The following THRB variants were observed in gnomAD, a reference collection of about 807,000 sequenced individuals.
THRB encodes nuclear receptor subfamily 1 group A member 2.
A neutral mutation model predicts 47.8 loss-of-function variants in THRB; 12 were observed. That is an observed-to-expected ratio of 0.25 (90% CI 0.16 to 0.41). The LOEUF (loss-of-function observed/expected upper bound fraction) is 0.41, where lower values mean the gene tolerates loss of function less well. THRB is among the 10% of genes least tolerant of loss of function. The probability of loss-of-function intolerance (pLI) is 1.00; values close to 1 mark genes in which losing one functional copy is unlikely to be tolerated. For missense variants in THRB, 348 were observed against 589.2 expected (o/e 0.59, Z 4.24); for synonymous variants, 218 against 212.2 (o/e 1.03, Z -0.24).
At chr3:24,218,193 A>G (rs1456079511) in intron 4 of THRB, among the ~76,000 whole-genome samples, 1 of 151,964 alleles carries the variant, frequency 6.6e-6, no homozygotes, top group African/African-American at 2.4e-5. Context: ...GCTTGAACCC[A>G]GGAGACGGAG....
intron 4 of THRB, among the ~76,000 whole-genome samples, chr3:24,199,202 C>T (rs2044312477): frequency 6.6e-6 from 1 of 152,200 alleles, no homozygotes; most frequent in Admixed American, 6.5e-5. Flanking sequence ...AACTCTGCTG[C>T]TTCACTCCTG....
intron 5 of THRB, among the ~76,000 whole-genome samples, chr3:24,188,676 T>C (rs935277638): frequency 1.3e-5 from 2 of 152,054 alleles, no homozygotes; most frequent in Non-Finnish European, 2.9e-5. Context: ...CCATACAATG[T>C]TGAGATACAA....
At chr3:24,302,192 C>T (rs748386304) in intron 2 of THRB, among the ~76,000 whole-genome samples, 5 of 152,234 alleles carry the variant, frequency 3.3e-5, no homozygotes, top group Non-Finnish European at 5.9e-5. Flanking sequence ...AGTAGGGCAA[C>T]AACCGTTCTA....
intron 5 of THRB, among the ~76,000 whole-genome samples, chr3:24,152,732 A>G (rs1417870356): frequency 6.6e-6 from 1 of 151,970 alleles, no homozygotes; most frequent in Non-Finnish European, 1.5e-5. Flanking sequence ...AGGCCCAGGC[A>G]GGTGGATCAC....
rs1257679303 is a variant in THRB, at chr3:24,399,398, A to T, written c.-260-62027T>A. 2.0e-5 allele frequency among the ~76,000 whole-genome samples: 3 copies of T among 152,060 alleles called. No individual in the cohort carries two copies. The East Asian group carries it at 5.8e-4, about 30-fold the overall frequency. On this transcript the variant is annotated intron_variant, in intron 1 of 10. Transcript: ENST00000646209. ...ATGAACTGGGAAAAAATGTATTACCAAAAGGCAGCACTAGCTATATGATTT... is the reference window on the plus strand; with the variant it reads ...ATGAACTGGGAAAAAATGTATTACCTAAAGGCAGCACTAGCTATATGATTT...
intron 5 of THRB, among the ~76,000 whole-genome samples, chr3:24,167,684 A>G (rs2039830333): frequency 6.6e-6 from 1 of 152,094 alleles, no homozygotes; most frequent in South Asian, 2.1e-4. Context: ...TGTTGAATCC[A>G]TTCGATTTTG....
chr3:24,148,606 G>T (rs1363531892), intron 6 of THRB, among the ~76,000 whole-genome samples: 1 of 152,172 alleles, frequency 6.6e-6, no homozygotes, highest in Non-Finnish European at 1.5e-5. Context: ...GCCTAAAGGG[G>T]TCCTCTAACT....
At chr3:24,381,410 G>T (rs2065702966) in intron 1 of THRB, among the ~76,000 whole-genome samples, 2 of 152,068 alleles carry the variant, frequency 1.3e-5, no homozygotes, top group African/African-American at 4.8e-5. Flanking sequence ...GACTCTGAGG[G>T]GTCAGTAGGC....
chr3:24,284,295 A>C (rs1204000761), intron 3 of THRB, among the ~76,000 whole-genome samples: 1 of 151,866 alleles, frequency 6.6e-6, no homozygotes, highest in Non-Finnish European at 1.5e-5. Context: ...CAACTATCTG[A>C]TCTTTGACAA....
chr3:24,257,259 T>C (rs890978958), intron 3 of THRB, among the ~76,000 whole-genome samples: 3 of 152,134 alleles, frequency 2.0e-5, no homozygotes, highest in African/African-American at 7.2e-5. Context: ...TTTTGATATA[T>C]TTTTTGGTAT....
chr3:24,455,987 T>A (rs1276648955), intron 1 of THRB, among the ~76,000 whole-genome samples: 1 of 152,114 alleles, frequency 6.6e-6, no homozygotes, highest in Non-Finnish European at 1.5e-5. Flanking sequence ...TCTCACATAA[T>A]CCAGTAAAAA....
chr3:24,131,572 A>G (rs1179295979), intron 9 of THRB, among the ~76,000 whole-genome samples: 2 of 152,160 alleles, frequency 1.3e-5, no homozygotes, highest in Non-Finnish European at 2.9e-5. Flanking sequence ...ATATGTTGCA[A>G]CCTAATCCCC....
chr3:24,158,841 CCT>C (rs10530553), intron 5 of THRB, among the ~76,000 whole-genome samples: 6,737 of 147,040 alleles, frequency 0.046, 220 homozygotes, highest in African/African-American at 0.099. Flanking sequence ...GACAGCTCTT[CCT>C]CTCTCTCTCT....
intron 4 of THRB, among the ~76,000 whole-genome samples, chr3:24,223,385 A>C (rs527947653): frequency 1.3e-5 from 2 of 152,362 alleles, no homozygotes; most frequent in South Asian, 4.1e-4. Context: ...TCTGTCCCTC[A>C]GTACTCATCA....
intron 3 of THRB, among the ~76,000 whole-genome samples, chr3:24,279,586 G>A (rs1024912603): frequency 2.7e-5 from 4 of 149,484 alleles, no homozygotes; most frequent in African/African-American, 9.8e-5. Flanking sequence ...TAGTAGAGAC[G>A]GGGTTTCACT....
chr3:24,399,118 A>C lies in THRB; in HGVS notation c.-260-61747T>G, dbSNP rs190383011. Among the ~76,000 whole-genome samples, 42 of 152,038 alleles carry C rather than the reference A, an allele frequency of 2.8e-4. No homozygotes were observed. In the East Asian group the frequency reaches 8.2e-3, roughly 30 times the overall value. ...GGGGAGGGATAGCATTAGGAGATAT[A>C]CCTCATGTAAATGATGAGTTAATGG... On this transcript the variant is annotated intron_variant, in intron 1 of 10. Transcript: ENST00000646209.
intron 1 of THRB, among the ~76,000 whole-genome samples, chr3:24,446,571 A>G (rs1416797069): frequency 1.0e-5 from 1 of 99,544 alleles, no homozygotes; most frequent in Non-Finnish European, 2.2e-5. Context: ...AAAAAAAAAA[A>G]AAAAAGAAAG....
intron 4 of THRB, among the ~76,000 whole-genome samples, chr3:24,197,734 A>G (rs1478506577): frequency 6.6e-6 from 1 of 152,256 alleles, no homozygotes; most frequent in Non-Finnish European, 1.5e-5. Context: ...AATGTGCTCT[A>G]TGCAAGGCAG....
At chr3:24,418,257 A>C (rs1423135002) in intron 1 of THRB, among the ~76,000 whole-genome samples, 1 of 151,432 alleles carries the variant, frequency 6.6e-6, no homozygotes, top group Non-Finnish European at 1.5e-5. Flanking sequence ...AAAAAAAAAA[A>C]AACCTGTATT....
Sources: allele counts gnomAD v4.1 joint callset (sites outside exome capture counted in the v4.1 genomes callset), GRCh38; gene constraint gnomAD v4.1.1; transcripts MANE v1.5; gene names NCBI Gene and HGNC (gene_info 2026-07-23, HGNC 2026-07-21).